The following PPP1R9A variants were observed in gnomAD, a reference collection of about 807,000 sequenced individuals.
The protein encoded by PPP1R9A is neurabin-1.
PPP1R9A carries 59 observed loss-of-function variants against 141.9 expected under a neutral mutation model. That is an observed-to-expected ratio of 0.42 (90% CI 0.34 to 0.52). PPP1R9A has a LOEUF of 0.52. PPP1R9A is among the 20% of genes least tolerant of loss of function. PPP1R9A has a pLI of 0.10. For missense variants in PPP1R9A, 1,444 were observed against 1,611.9 expected (o/e 0.90, Z 1.78); for synonymous variants, 500 against 569.7 (o/e 0.88, Z 1.74).
chr7:95,072,508 A>G (rs1813986338), intron 2 of PPP1R9A, among the ~76,000 whole-genome samples: 1 of 142,744 alleles, frequency 7.0e-6, no homozygotes, highest in Admixed American at 7.6e-5. Flanking sequence ...TCATAAAACT[A>G]AGTCACCATA....
chr7:95,165,178 C>T (rs1381424140), intron 5 of PPP1R9A, among the ~76,000 whole-genome samples: 1 of 152,172 alleles, frequency 6.6e-6, no homozygotes, highest in Non-Finnish European at 1.5e-5. Context: ...TCCTCTCCAC[C>T]TGGTTATTGA....
chr7:95,218,642 C>CAGG (rs1793888917), intron 7 of PPP1R9A, among the ~76,000 whole-genome samples: 1 of 151,992 alleles, frequency 6.6e-6, no homozygotes, highest in Non-Finnish European at 1.5e-5. Context: ...CTTTATGAAT[C>CAGG]TGGGTGCTCC....
chr7:94,947,377 G>T (rs1213723260), intron 2 of PPP1R9A, among the ~76,000 whole-genome samples: 1 of 152,116 alleles, frequency 6.6e-6, no homozygotes, highest in African/African-American at 2.4e-5. Context: ...TTGAAAATCT[G>T]TGGACCCTTG....
intron 2 of PPP1R9A, among the ~76,000 whole-genome samples, chr7:95,050,999 G>T (rs1047258684): frequency 2.0e-5 from 3 of 152,014 alleles, no homozygotes; most frequent in Admixed American, 2.0e-4. Flanking sequence ...CATGGTTTGT[G>T]CATTTGTGTT....
chr7:95,002,432 G>A (rs1433226369), intron 2 of PPP1R9A, among the ~76,000 whole-genome samples: 1 of 152,146 alleles, frequency 6.6e-6, no homozygotes, highest in East Asian at 1.9e-4. Flanking sequence ...CTCCAGGTAG[G>A]ACACGTGAAG....
At chr7:95,008,867 C>T (rs1803998183) in intron 2 of PPP1R9A, among the ~76,000 whole-genome samples, 1 of 152,030 alleles carries the variant, frequency 6.6e-6, no homozygotes, top group South Asian at 2.1e-4. Flanking sequence ...TTTATTTTGG[C>T]ACTATTCACA....
intron 2 of PPP1R9A, among the ~76,000 whole-genome samples, chr7:95,063,313 C>T (rs1476471167): frequency 6.6e-6 from 1 of 152,118 alleles, no homozygotes; most frequent in African/African-American, 2.4e-5. Flanking sequence ...GTAATACCAG[C>T]AATTTAATAG....
At chr7:95,025,842 C>A (rs1186653652) in intron 2 of PPP1R9A, among the ~76,000 whole-genome samples, 6 of 152,062 alleles carry the variant, frequency 3.9e-5, no homozygotes, top group Non-Finnish European at 7.4e-5. Flanking sequence ...TCTCTTGATA[C>A]CCTTTCTTCA....
chr7:94,996,690 C>G (rs1490826643), intron 2 of PPP1R9A, among the ~76,000 whole-genome samples: 5 of 151,364 alleles, frequency 3.3e-5, no homozygotes, highest in African/African-American at 1.2e-4. Flanking sequence ...TACTTAGGCT[C>G]TATTAATTTT....
At chr7:95,204,386 G>A (rs1790243705) in intron 7 of PPP1R9A, among the ~76,000 whole-genome samples, 2 of 152,076 alleles carry the variant, frequency 1.3e-5, no homozygotes, top group Non-Finnish European at 2.9e-5. Context: ...AAGAATAAAG[G>A]AAATATATTT....
At chr7:95,213,245 A>G (rs1351515071) in intron 7 of PPP1R9A, among the ~76,000 whole-genome samples, 1 of 151,446 alleles carries the variant, frequency 6.6e-6, no homozygotes, top group Non-Finnish European at 1.5e-5. Flanking sequence ...TTTATCACTC[A>G]TTATTCAAAA....
At position 95,232,248 on chromosome 7, in the gene PPP1R9A, A is replaced by T. The variant is rs553094020; in HGVS notation, c.2112+6132A>T. 1.9e-4 allele frequency among the ~76,000 whole-genome samples: 29 copies of T among 151,346 alleles called. No individual in the cohort carries two copies. The South Asian group carries it at 3.3e-3, about 17-fold the overall frequency. On this transcript the variant is annotated intron_variant, in intron 8 of 19. Transcript: ENST00000433360. ...AGGCAGAGAGATTGAAATGGTAATTAAAAAAAATTGCCAACAATGAGGAAA... is the reference window on the plus strand; with the variant it reads ...AGGCAGAGAGATTGAAATGGTAATTTAAAAAAATTGCCAACAATGAGGAAA...
intron 4 of PPP1R9A, among the ~76,000 whole-genome samples, chr7:95,122,319 G>C (rs1822779918): frequency 6.6e-6 from 1 of 152,036 alleles, no homozygotes; most frequent in African/African-American, 2.4e-5. Flanking sequence ...GCTAATTTTT[G>C]TATTTTTAGT....
At chr7:95,279,368 T>A (rs1803739137) in intron 16 of PPP1R9A, among the ~76,000 whole-genome samples, 1 of 152,172 alleles carries the variant, frequency 6.6e-6, no homozygotes, top group Admixed American at 6.5e-5. Context: ...GATGAGCACA[T>A]GTGTGTGAGT....
chr7:94,990,771 T>A (rs1404732700), intron 2 of PPP1R9A, among the ~76,000 whole-genome samples: 1 of 152,076 alleles, frequency 6.6e-6, no homozygotes, highest in Non-Finnish European at 1.5e-5. Context: ...AACATTTTTT[T>A]AGCTTCCTCA....
chr7:94,921,333 G>C (rs2150719330), intron 2 of PPP1R9A, among the ~76,000 whole-genome samples: 1 of 151,982 alleles, frequency 6.6e-6, no homozygotes, highest in East Asian at 1.9e-4. Context: ...TGTAGTCCCA[G>C]CTACTCGGGA....
intron 2 of PPP1R9A, among the ~76,000 whole-genome samples, chr7:94,916,290 G>A (rs545061924): frequency 6.6e-5 from 10 of 152,262 alleles, no homozygotes; most frequent in African/African-American, 1.9e-4. Context: ...GGAAAACCAC[G>A]TTAACAGTAT....
intron 7 of PPP1R9A, among the ~76,000 whole-genome samples, chr7:95,212,639 T>C (rs35772524): frequency 2.6e-5 from 4 of 152,202 alleles, no homozygotes; most frequent in Admixed American, 2.0e-4. Flanking sequence ...AAGGCAGTCA[T>C]GTCAGCCTCA....
intron 3 of PPP1R9A, among the ~76,000 whole-genome samples, chr7:95,116,535 T>C (rs575671172): frequency 7.9e-4 from 120 of 152,302 alleles, no homozygotes; most frequent in Non-Finnish European, 1.5e-3. Context: ...GAAATTTATC[T>C]AGATAAAATA....
Sources: gnomAD v4.1 joint callset for allele counts (sites outside exome capture counted in the v4.1 genomes callset) on GRCh38, gnomAD v4.1.1 for gene constraint, MANE v1.5 for transcripts, NCBI Gene and HGNC (gene_info 2026-07-23, HGNC 2026-07-21) for gene names.